SMAP2: variants seen among roughly 807,000 people sequenced by gnomAD.
SMAP2 encodes the protein small ArfGAP2.
Under a neutral mutation model 56.4 loss-of-function variants are expected in SMAP2, and 25 were observed. That is an observed-to-expected ratio of 0.44 (90% CI 0.32 to 0.62). SMAP2 has a LOEUF of 0.62. Among genes scored for constraint, SMAP2 ranks in the 20% least tolerant of loss-of-function variants. The pLI, the probability that SMAP2 is intolerant of heterozygous loss-of-function variation, is 0.04. For missense variants in SMAP2, 388 were observed against 545.6 expected, an observed-to-expected ratio of 0.71 and a Z score of 2.88; for synonymous variants, 157 against 181.7, an observed-to-expected ratio of 0.86 and a Z score of 1.09.
intron 6 of SMAP2, among the ~76,000 whole-genome samples, chr1:40,415,045 G>A (rs1569920547): frequency 1.3e-5 from 2 of 152,268 alleles, no homozygotes; most frequent in East Asian, 3.9e-4. Context: ...TCAGGCCTGG[G>A]CGTCTGCTGC....
chr1:40,409,383 T>C (rs1257098121), intron 3 of SMAP2, among the ~76,000 whole-genome samples: 1 of 152,230 alleles, frequency 6.6e-6, no homozygotes, highest in Non-Finnish European at 1.5e-5. Flanking sequence ...CAAGAGTTTA[T>C]GTTTTTAAGG....
chr1:40,353,221 C>T (rs1359749506), intron 1 of SMAP2, among the ~76,000 whole-genome samples: 3 of 152,200 alleles, frequency 2.0e-5, no homozygotes, highest in Non-Finnish European at 4.4e-5. Context: ...AAAGAAACAG[C>T]TAAGATTGGG....
At chr1:40,394,815 T>C (rs538256690) in intron 1 of SMAP2, among the ~76,000 whole-genome samples, 3 of 152,302 alleles carry the variant, frequency 2.0e-5, no homozygotes, top group East Asian at 1.9e-4. Context: ...TATGTGTACA[T>C]TGATTTTTGT....
chr1:40,360,514 G>A (rs935803389), intron 1 of SMAP2, among the ~76,000 whole-genome samples: 4 of 151,256 alleles, frequency 2.6e-5, no homozygotes, highest in African/African-American at 9.7e-5. Context: ...TGTTGGCCAG[G>A]CTGGTCTCAA....
intron 9 of SMAP2, among the ~76,000 whole-genome samples, chr1:40,417,362 A>G (rs1255562589): frequency 1.3e-5 from 2 of 152,028 alleles, no homozygotes; most frequent in African/African-American, 4.8e-5. Context: ...AAACAAACAC[A>G]CAAAGAAACC....
Position 40,413,051 on chromosome 1 carries a change from A to ACCAGTT in SMAP2, c.443_448dup (p.Val148_Pro149dup). Reference sequence around the variant, plus strand: ...ATGACAAGTGGAAAAGAGGGAGCGAACCAGTTCCAGAAAAAAAATTGGAAC... The same window carrying ACCAGTT: ...ATGACAAGTGGAAAAGAGGGAGCGAACCAGTTCCAGTTCCAGAAAAAAAATTGGAAC... On this transcript the variant is annotated inframe_insertion, in exon 5 of 10. Transcript: ENST00000372718. 1 of 1,613,914 alleles carries ACCAGTT rather than the reference A, an allele frequency of 6.2e-7. No homozygotes were observed. The highest frequency in any genetic ancestry group is 1.7e-5 in the Admixed American group (1 of 59,968).
At chr1:40,397,900 G>A (rs1393534684) in intron 1 of SMAP2, among the ~76,000 whole-genome samples, 1 of 152,182 alleles carries the variant, frequency 6.6e-6, no homozygotes, top group African/African-American at 2.4e-5. Context: ...GAATGGTGTA[G>A]TCAAAGAGAT....
intron 1 of SMAP2, among the ~76,000 whole-genome samples, chr1:40,405,187 G>T (rs997168937): frequency 3.3e-5 from 5 of 152,108 alleles, no homozygotes; most frequent in Non-Finnish European, 7.4e-5. Flanking sequence ...CATTAAAACT[G>T]CTGTCAAAAC....
intron 1 of SMAP2, among the ~76,000 whole-genome samples, chr1:40,406,263 T>C (rs1422540420): frequency 2.0e-5 from 3 of 152,214 alleles, no homozygotes; most frequent in African/African-American, 4.8e-5. Flanking sequence ...AACAGTCTTA[T>C]AACATCTGCG....
At chr1:40,380,093 A>G (rs2124223700) in intron 1 of SMAP2, among the ~76,000 whole-genome samples, 1 of 152,330 alleles carries the variant, frequency 6.6e-6, no homozygotes, top group East Asian at 1.9e-4. Context: ...TGTCTGCATT[A>G]TTTACTTTTA....
intron 1 of SMAP2, among the ~76,000 whole-genome samples, chr1:40,390,698 G>A (rs1397155076): frequency 6.6e-6 from 1 of 152,176 alleles, no homozygotes; most frequent in Admixed American, 6.5e-5. Flanking sequence ...CATTTACTAT[G>A]TATAACACAC....
chr1:40,345,287 C>T (rs1644381133), intron 1 of SMAP2, among the ~76,000 whole-genome samples: 1 of 151,920 alleles, frequency 6.6e-6, no homozygotes, highest in African/African-American at 2.4e-5. Flanking sequence ...ACCTGTAGTC[C>T]TAGCTACTCC....
chr1:40,420,640 T>G (rs1205448948), intron 9 of SMAP2, among the ~76,000 whole-genome samples: 1 of 152,220 alleles, frequency 6.6e-6, no homozygotes, highest in Non-Finnish European at 1.5e-5. Context: ...TGATCAAACA[T>G]AAAATTACTG....
chr1:40,418,546 G>A lies in SMAP2; in HGVS notation c.1164+1450G>A, dbSNP rs934052735. The stretch of plus-strand genomic sequence containing the variant: ...ATAATATGGAAAGAGCCCACTGTGT[G>A]TCTGGGAAAATTGACCCAGAACAGT... On this transcript the variant is annotated intron_variant, in intron 9 of 9. Coordinates refer to ENST00000372718, the MANE Select transcript of SMAP2 (RefSeq NM_022733.3). 9.2e-5 allele frequency among the ~76,000 whole-genome samples: 14 copies of A among 152,310 alleles called. 1 individual carries two copies. Among genetic ancestry groups the A allele is most frequent in the East Asian group, 5.8e-4 (3 of 5,182 alleles).
chr1:40,356,124 G>A (rs996287839), intron 1 of SMAP2, among the ~76,000 whole-genome samples: 3 of 152,110 alleles, frequency 2.0e-5, no homozygotes, highest in Non-Finnish European at 4.4e-5. Flanking sequence ...CTAACATAAT[G>A]ACCTCCAGTT....
chr1:40,420,398 G>A (rs972859849), intron 9 of SMAP2, among the ~76,000 whole-genome samples: 1 of 152,088 alleles, frequency 6.6e-6, no homozygotes, highest in Non-Finnish European at 1.5e-5. Context: ...ATCAAAAAGA[G>A]TAACAACAGT....
chr1:40,414,374 A>G (rs1644967046), intron 6 of SMAP2, 134 bp downstream of exon 6: 1 of 800,772 alleles, frequency 1.2e-6, no homozygotes, highest in African/African-American at 1.7e-5. Flanking sequence ...ATTCTTCCTG[A>G]TCTGTTTTAC....
chr1:40,375,823 A>T, intron 1 of SMAP2: 7 of 632,806 alleles, frequency 1.1e-5, no homozygotes, highest in Non-Finnish European at 1.3e-5. Context: ...TTTGGTGACT[A>T]GAACCCCCCC....
intron 1 of SMAP2, among the ~76,000 whole-genome samples, chr1:40,387,210 A>G (rs1020193421): frequency 1.2e-4 from 19 of 152,292 alleles, no homozygotes; most frequent in Admixed American, 8.5e-4. Context: ...ATGATTTTAT[A>G]TCATTCTTTT....
Sources: allele counts gnomAD v4.1 joint callset (sites outside exome capture counted in the v4.1 genomes callset), GRCh38; gene constraint gnomAD v4.1.1; transcripts MANE v1.5; gene names NCBI Gene and HGNC (gene_info 2026-07-23, HGNC 2026-07-21).